Variants in TLK1 observed in about 807,000 individuals in gnomAD.
TLK1 encodes serine/threonine-protein kinase tousled-like 1.
A neutral mutation model predicts 105.3 loss-of-function variants in TLK1; 24 were observed. The observed-to-expected ratio is 0.23, with a 90% CI of 0.17 to 0.32. The LOEUF (loss-of-function observed/expected upper bound fraction) is 0.32, where lower values mean the gene tolerates loss of function less well. Ranked by LOEUF, TLK1 falls within the 10% of genes least tolerant of loss-of-function variation. TLK1 has a pLI of 1.00. For missense variants in TLK1, 558 were observed against 910.5 expected (o/e 0.61, Z 4.98); for synonymous variants, 321 against 310.4 (o/e 1.03, Z -0.36).
chr2:171,212,583 T>G (rs962275025), intron 1 of TLK1, among the ~76,000 whole-genome samples: 5 of 152,124 alleles, frequency 3.3e-5, no homozygotes, highest in Non-Finnish European at 5.9e-5. Flanking sequence ...CAGCACCGGC[T>G]CCTTTTAAAA....
At chr2:171,110,690 G>C (rs1160426848) in intron 2 of TLK1, among the ~76,000 whole-genome samples, 1 of 152,152 alleles carries the variant, frequency 6.6e-6, no homozygotes, top group East Asian at 1.9e-4. Context: ...ACAGAAAACA[G>C]ATCAGTGGTT....
Position 171,160,203 on chromosome 2 carries a change from C to T in TLK1, c.139+87G>A. 1 of 1,187,322 alleles carries T rather than the reference C, an allele frequency of 8.4e-7. No homozygotes were observed. Among genetic ancestry groups the T allele is most frequent in the Non-Finnish European group, 1.0e-6 (1 of 963,710 alleles). The allele number at this position is 1,187,322 out of a possible 1,614,324, so 73.5% of individuals were successfully genotyped here. The stretch of plus-strand genomic sequence containing the variant: ...ACCCCAGGGTCTGGCGGAGAAGCCC[C>T]GGGGCGGGGGGGGCGGGGGGGGGGC... On this transcript the variant is annotated intron_variant, in intron 1 of 20. Coordinates refer to ENST00000431350, the MANE Select transcript of TLK1 (RefSeq NM_012290.5). This position sits in a 1 kb window ranked among gnomAD's most constrained non-coding sequence, Gnocchi z 4.4.
intron 12 of TLK1, among the ~76,000 whole-genome samples, chr2:171,015,621 T>C (rs1685144175): frequency 6.6e-6 from 1 of 151,504 alleles, no homozygotes. Flanking sequence ...TCTTAAAATA[T>C]ACAACTTTTA....
chr2:171,019,100 C>T (rs183851823), intron 12 of TLK1, among the ~76,000 whole-genome samples: 19 of 151,764 alleles, frequency 1.3e-4, no homozygotes, highest in Non-Finnish European at 2.2e-4. Flanking sequence ...AAAACACCAC[C>T]TTCTAACAGT....
chr2:171,191,302 C>T (rs1693143950), intron 1 of TLK1, among the ~76,000 whole-genome samples: 1 of 152,120 alleles, frequency 6.6e-6, no homozygotes, highest in South Asian at 2.1e-4. Context: ...GGAGTGGTGG[C>T]TCATGCCTTT....
chr2:170,994,680 A>T (rs1020366892), intron 20 of TLK1: 1 of 517,800 alleles, frequency 1.9e-6, no homozygotes, highest in Non-Finnish European at 3.9e-6. Flanking sequence ...CCTCATGCCC[A>T]GTTCCAGGCA....
At chr2:171,079,489 G>A (rs1688654885) in intron 3 of TLK1, among the ~76,000 whole-genome samples, 1 of 152,150 alleles carries the variant, frequency 6.6e-6, no homozygotes, top group African/African-American at 2.4e-5. Flanking sequence ...CTCTGTGATT[G>A]GGCAGAGACT....
chr2:171,201,517 A>G (rs997597141), intron 1 of TLK1, among the ~76,000 whole-genome samples: 2 of 152,160 alleles, frequency 1.3e-5, no homozygotes, highest in South Asian at 2.1e-4. Context: ...GACACATTTG[A>G]TAGGTGATCA....
At chr2:171,064,385 G>A (rs1023545966) in intron 3 of TLK1, among the ~76,000 whole-genome samples, 5 of 151,768 alleles carry the variant, frequency 3.3e-5, no homozygotes, top group Admixed American at 6.6e-5. Flanking sequence ...AAAATAGTTC[G>A]ACAGCTTTTA....
chr2:171,044,697 T>A (rs956258642), intron 11 of TLK1, among the ~76,000 whole-genome samples: 6 of 152,144 alleles, frequency 3.9e-5, no homozygotes, highest in Non-Finnish European at 7.4e-5. Flanking sequence ...TCCCTAAAAG[T>A]CATCTACATT....
chr2:171,059,903 G>T, intron 4 of TLK1: 1 of 1,221,042 alleles, frequency 8.2e-7, no homozygotes, highest in South Asian at 1.2e-5. Context: ...AGGCGGTAAT[G>T]CTCACTGGCC....
chr2:171,063,269 A>C (rs907548973), intron 3 of TLK1, among the ~76,000 whole-genome samples: 1 of 152,018 alleles, frequency 6.6e-6, no homozygotes, highest in Non-Finnish European at 1.5e-5. Context: ...TCGCTTGAAC[A>C]CAGGAGGTAG....
At position 171,006,523 on chromosome 2, in the gene TLK1, T is replaced by C; in HGVS notation, c.1719A>G (p.Arg573=). Residue 573 remains arginine (R), a synonymous_variant, in exon 17 of 21, where the codon AGA becomes AGG. Transcript: ENST00000431350. ...SIVMQIVNAL[R]YLNEIKPPII... The stretch of plus-strand genomic sequence containing the variant: ...TAGGGGGTTTGATCTCATTGAGATA[T>C]CTTAGTGCATTTACAATCTGCATTA... The C allele has an allele frequency of 6.2e-7, 1 of 1,612,776 alleles. No homozygotes were observed. Among genetic ancestry groups the C allele is most frequent in the Non-Finnish European group, 8.5e-7 (1 of 1,179,524 alleles).
chr2:171,053,647 C>T, intron 8 of TLK1, 114 bp downstream of exon 8: 1 of 755,146 alleles, frequency 1.3e-6, no homozygotes, highest in Non-Finnish European at 2.1e-6. Context: ...AGGCATGAGC[C>T]ACTGCGCCTG....
intron 14 of TLK1, among the ~76,000 whole-genome samples, chr2:171,009,069 A>G (rs188933080): frequency 1.2e-4 from 18 of 152,300 alleles, no homozygotes; most frequent in Non-Finnish European, 2.2e-4. Context: ...TTAGAATCAG[A>G]GAAACAGGAA....
intron 11 of TLK1, among the ~76,000 whole-genome samples, chr2:171,035,412 T>C (rs897215577): frequency 2.6e-5 from 4 of 152,096 alleles, no homozygotes; most frequent in African/African-American, 4.8e-5. Context: ...CCATGTGAGA[T>C]GTGCCTTTCA....
intron 12 of TLK1, among the ~76,000 whole-genome samples, chr2:171,023,749 T>C (rs536853294): frequency 1.8e-4 from 28 of 152,320 alleles, no homozygotes; most frequent in African/African-American, 6.7e-4. Context: ...AGGAAGTTGA[T>C]TTTGCAGGGA....
chr2:171,061,035 A>AT, intron 4 of TLK1, 46 bp downstream of exon 4: 1 of 1,545,462 alleles, frequency 6.5e-7, no homozygotes, highest in Non-Finnish European at 8.8e-7. Flanking sequence ...AAAACAATTA[A>AT]TTTTAAGTGT....
Position 171,191,890 on chromosome 2 carries a change from A to T in TLK1, c.-6+39255T>A, listed in dbSNP as rs191613941. 3.9e-5 allele frequency among the ~76,000 whole-genome samples: 6 copies of T among 152,244 alleles called. No homozygotes were observed. The East Asian group carries it at 9.6e-4, about 24-fold the overall frequency. ...ATAAATTGAGGAGATGCTACTATGC[A>T]TCTCCTGGAAGATGCATAGTAGCAT... On this transcript the variant is annotated intron_variant, in intron 1 of 20. Coordinates refer to the TLK1 transcript ENST00000521943.
Sources: gnomAD v4.1 joint callset for allele counts (sites outside exome capture counted in the v4.1 genomes callset) on GRCh38, gnomAD v4.1.1 for gene constraint, Gnocchi (gnomAD v3.1) non-coding constraint, MANE v1.5 for transcripts, NCBI Gene and HGNC (gene_info 2026-07-23, HGNC 2026-07-21) for gene names.